The following ELP4 variants were observed in gnomAD, a reference collection of about 807,000 sequenced individuals.
ELP4 encodes elongator complex protein 4.
ELP4 carries 51 observed loss-of-function variants against 48.9 expected under a neutral mutation model. That is an observed-to-expected ratio of 1.04 (90% CI 0.83 to 1.32). The LOEUF is 1.32. Ranked by LOEUF, ELP4 falls within the 40% of genes most tolerant of loss-of-function variation. The pLI, the probability that ELP4 is intolerant of heterozygous loss-of-function variation, is 0.00. For synonymous variants in ELP4, 210 were observed against 189.2 expected, an observed-to-expected ratio of 1.11 and a Z score of -0.90; for missense variants, 519 against 514.6, an observed-to-expected ratio of 1.01 and a Z score of -0.08.
intron 3 of ELP4, among the ~76,000 whole-genome samples, chr11:31,542,372 G>A (rs895110569): frequency 5.9e-5 from 9 of 152,182 alleles, no homozygotes; most frequent in Non-Finnish European, 1.2e-4. Context: ...TCTGCATAGG[G>A]TCGGTCTCCC....
chr11:31,535,968 C>T (rs558521103), intron 2 of ELP4, among the ~76,000 whole-genome samples: 5 of 152,060 alleles, frequency 3.3e-5, no homozygotes, highest in African/African-American at 7.2e-5. Flanking sequence ...ATACAGAGGG[C>T]AAAATGTAAG....
At chr11:31,534,266 G>A (rs1956462200) in intron 2 of ELP4, among the ~76,000 whole-genome samples, 1 of 148,126 alleles carries the variant, frequency 6.8e-6, no homozygotes, top group South Asian at 2.1e-4. Context: ...GAGGTGGATT[G>A]GTGTGTGTGT....
At chr11:31,596,162 T>C (rs1020664896) in intron 4 of ELP4, among the ~76,000 whole-genome samples, 2 of 152,184 alleles carry the variant, frequency 1.3e-5, no homozygotes, top group Non-Finnish European at 2.9e-5. Context: ...CCCAGCACTT[T>C]GGGAGGCCGA....
At chr11:31,660,647 CTTG>C (rs1348482824) in intron 9 of ELP4, among the ~76,000 whole-genome samples, 3 of 151,214 alleles carry the variant, frequency 2.0e-5, no homozygotes, top group African/African-American at 7.4e-5. Flanking sequence ...CACATATGTA[CTTG>C]TTTTTTTTTA....
intron 3 of ELP4, among the ~76,000 whole-genome samples, chr11:31,557,489 T>C (rs1298039866): frequency 6.6e-6 from 1 of 152,040 alleles, no homozygotes; most frequent in African/African-American, 2.4e-5. Context: ...GGCACCTATC[T>C]GTTATTCACT....
intron 3 of ELP4, among the ~76,000 whole-genome samples, chr11:31,581,899 T>C (rs1957399383): frequency 6.6e-6 from 1 of 152,056 alleles, no homozygotes; most frequent in Non-Finnish European, 1.5e-5. Flanking sequence ...ACTACAGGCA[T>C]GCCCCACCAT....
At chr11:31,777,202 T>A (rs1303279028) in intron 9 of ELP4, among the ~76,000 whole-genome samples, 1 of 152,130 alleles carries the variant, frequency 6.6e-6, no homozygotes. Flanking sequence ...GAAACAACAC[T>A]CTGAAATCTT....
chr11:31,704,269 A>G (rs1195053903), intron 9 of ELP4, among the ~76,000 whole-genome samples: 1 of 152,178 alleles, frequency 6.6e-6, no homozygotes, highest in Non-Finnish European at 1.5e-5. Context: ...AACAGAAGAC[A>G]CAAAACTCCT....
Position 31,616,722 on chromosome 11 carries a change from A to T in ELP4, c.654-10388A>T, listed in dbSNP as rs367777411. ...TAAAGAACTCCTACGACTTGACAAC[A>T]TAAAAACAAATAACCTGACTTTATA... On this transcript the variant is annotated intron_variant, in intron 5 of 9. Coordinates refer to ENST00000640961, the MANE Select transcript of ELP4 (RefSeq NM_019040.5). Among the ~76,000 whole-genome samples the T allele has an allele frequency of 5.3e-5, 8 of 152,196 alleles. No individual in the cohort carries two copies. The East Asian group carries it at 1.2e-3, about 22-fold the overall frequency.
chr11:31,695,043 A>G lies in ELP4; in HGVS notation c.1143+44822A>G, dbSNP rs557358309. Among the ~76,000 whole-genome samples, 47 of 152,280 alleles carry G rather than the reference A, an allele frequency of 3.1e-4. No homozygotes were observed. The South Asian group carries it at 9.1e-3, about 30-fold the overall frequency. On this transcript the variant is annotated intron_variant, in intron 9 of 9. Coordinates refer to ENST00000640961, the MANE Select transcript of ELP4 (RefSeq NM_019040.5). ...CTTTGCTGAACTTGCTTATCAGCTT[A>G]AGGAGATTTTGGGCCAAGACAATGG...
chr11:31,669,131 G>A (rs190030644), intron 9 of ELP4, among the ~76,000 whole-genome samples: 5 of 150,664 alleles, frequency 3.3e-5, no homozygotes, highest in South Asian at 2.1e-4. Flanking sequence ...ATGGAGTCTC[G>A]CTCTGTCACC....
At position 31,790,095 on chromosome 11, in the gene ELP4, TACAA is replaced by T. The variant is rs1187043552; in HGVS notation, c.*6573_*6576del. The T allele has an allele frequency of 8.2e-4, 50 of 61,180 alleles. No individual in the cohort carries two copies. Among genetic ancestry groups the T allele is most frequent in the Non-Finnish European group, 9.7e-4 (38 of 39,056 alleles). 3.8% of individuals were successfully genotyped at this position (61,180 alleles called of 1,614,324 possible). Reference sequence around the variant, plus strand: ...GACATGGAATACAAATTTATAGGTTTACAAAAAAAAAAAAAAAAAAAAAAACTAA... The same window carrying T: ...GACATGGAATACAAATTTATAGGTTTAAAAAAAAAAAAAAAAAAAAACTAA... On this transcript the variant is annotated 3_prime_UTR_variant, in exon 10 of 10. Coordinates refer to ENST00000640961, the MANE Select transcript of ELP4 (RefSeq NM_019040.5).
rs1330395961 is a variant in ELP4, at chr11:31,787,443, C to T, written c.*3919C>T. The T allele has an allele frequency of 1.3e-5, 3 of 233,122 alleles. No individual in the cohort carries two copies. The highest frequency in any genetic ancestry group is 2.5e-5 in the Non-Finnish European group (3 of 118,046). The allele number at this position is 233,122 out of a possible 1,614,324, so 14.4% of individuals were successfully genotyped here. A position where few individuals can be genotyped will look rare whatever the true frequency, so the allele number is the denominator to read the frequency against. On this transcript the variant is annotated 3_prime_UTR_variant, in exon 10 of 10. Transcript: ENST00000640961. ...CCGTGGGCCGGAACTGGCTGCCTGA[C>T]CGTGGTGGAAATTACAGCCAGCGAG...
intron 5 of ELP4, among the ~76,000 whole-genome samples, chr11:31,605,664 T>G (rs570582553): frequency 6.6e-6 from 1 of 152,274 alleles, no homozygotes; most frequent in African/African-American, 2.4e-5. Flanking sequence ...ATACTTTTTT[T>G]TACACCAGCA....
In ELP4 at chr11:31,540,610, G is replaced by A. The variant is rs568622139; in HGVS notation, c.381+827G>A. ...TCTGGGATTACAGGCATCAGCCACC[G>A]CATCCAGCCTACTGCAAGCTTTAAT... On this transcript the variant is annotated intron_variant, in intron 3 of 9. Coordinates refer to ENST00000640961, the MANE Select transcript of ELP4 (RefSeq NM_019040.5). 2.6e-5 allele frequency among the ~76,000 whole-genome samples: 4 copies of A among 152,162 alleles called. No homozygotes were observed. The South Asian group carries it at 6.2e-4, about 24-fold the overall frequency.
chr11:31,644,895 C>A (rs916295048), intron 7 of ELP4, among the ~76,000 whole-genome samples: 2 of 151,678 alleles, frequency 1.3e-5, no homozygotes. Context: ...TAAAAATAAA[C>A]ATTTTCTCAG....
At chr11:31,747,903 G>A (rs1228303165) in intron 9 of ELP4, among the ~76,000 whole-genome samples, 1 of 152,212 alleles carries the variant, frequency 6.6e-6, no homozygotes, top group Admixed American at 6.5e-5. Flanking sequence ...AGATAAGTTA[G>A]TGTCAAGTCA....
chr11:31,782,516 C>T (rs376171000), intron 9 of ELP4, among the ~76,000 whole-genome samples: 9 of 152,096 alleles, frequency 5.9e-5, no homozygotes, highest in Non-Finnish European at 1.0e-4. Flanking sequence ...ATAAATTTTG[C>T]GAGCTGGGAG....
At chr11:31,623,726 C>A (rs1414738434) in intron 5 of ELP4, among the ~76,000 whole-genome samples, 2 of 149,872 alleles carry the variant, frequency 1.3e-5, no homozygotes, top group Admixed American at 6.7e-5. Flanking sequence ...ATCAAAGAAC[C>A]CCCCTATTCT....
Sources: allele counts gnomAD v4.1 joint callset (sites outside exome capture counted in the v4.1 genomes callset), GRCh38; gene constraint gnomAD v4.1.1; transcripts MANE v1.5; gene names NCBI Gene and HGNC (gene_info 2026-07-23, HGNC 2026-07-21).